P3H3: variants seen among roughly 807,000 people sequenced by gnomAD.
P3H3 encodes gene rich cluster, B.
P3H3 carries 64 observed loss-of-function variants against 78.1 expected under a neutral mutation model. That is an observed-to-expected ratio of 0.82 (90% confidence interval 0.67 to 1.01). The LOEUF is 1.01. Ranked by LOEUF, P3H3 falls within the 50% of genes least tolerant of loss-of-function variation. The pLI, the probability that P3H3 is intolerant of heterozygous loss-of-function variation, is 0.00. For missense variants in P3H3, 975 were observed against 982.2 expected, an observed-to-expected ratio of 0.99 and a Z score of 0.10; for synonymous variants, 425 against 416.7, an observed-to-expected ratio of 1.02 and a Z score of -0.24.
At position 6,835,522 on chromosome 12, in the gene P3H3, C is replaced by T. The variant is rs922698391; in HGVS notation, c.1459-1463C>T. Among the ~76,000 whole-genome samples the T allele has an allele frequency of 2.6e-5, 4 of 151,788 alleles. No homozygotes were observed. The East Asian group carries it at 5.8e-4, about 22-fold the overall frequency. ...TCGCTTGGACCCAGGAGGCGGAGGTCGCAGTGAGCCGAGATCGCACCATTG... is the reference window on the plus strand; with the variant it reads ...TCGCTTGGACCCAGGAGGCGGAGGTTGCAGTGAGCCGAGATCGCACCATTG... On this transcript the variant is annotated intron_variant, in intron 9 of 14. Transcript: ENST00000290510.
chr12:6,831,203 G>C lies in P3H3; in HGVS notation c.986-13G>C, dbSNP rs184062822. 1 of 1,613,516 alleles carries C rather than the reference G, an allele frequency of 6.2e-7. No homozygotes were observed. The highest frequency in any genetic ancestry group is 8.5e-7 in the Non-Finnish European group (1 of 1,179,708). On this transcript the variant is annotated splice_polypyrimidine_tract_variant and intron_variant, in intron 4 of 14. Coordinates refer to ENST00000290510, the MANE Select transcript of P3H3 (RefSeq NM_014262.5). The surrounding 1 kb of genome is among the most constrained non-coding windows in gnomAD (Gnocchi z 4.6). ...TCATCCCCCAACCCCTGACCTTGTCGCTCCCTCTCCAGTGGGCAATCTGTC... is the reference window on the plus strand; with the variant it reads ...TCATCCCCCAACCCCTGACCTTGTCCCTCCCTCTCCAGTGGGCAATCTGTC...
At position 6,839,701 on chromosome 12, in the gene P3H3, C is replaced by G. The variant is rs376621986; in HGVS notation, c.*240C>G. 1 of 537,924 alleles carries G rather than the reference C, an allele frequency of 1.9e-6. No individual in the cohort carries two copies. The highest frequency in any genetic ancestry group is 3.3e-6 in the Non-Finnish European group (1 of 301,354). The allele number at this position is 537,924 out of a possible 1,614,324, so 33.3% of individuals were successfully genotyped here. ...GGGCCCCGCTGCCGGACCTGCAGCC[C>G]TGGACAGATGGGGAACACTGTGCCT... On this transcript the variant is annotated 3_prime_UTR_variant, in exon 15 of 15. Coordinates refer to ENST00000290510, the MANE Select transcript of P3H3 (RefSeq NM_014262.5).
At position 6,838,020 on chromosome 12, in the gene P3H3, C is replaced by A. The variant is rs782218404; in HGVS notation, c.1892C>A (p.Ala631Asp). 6.2e-7 allele frequency: 1 copy of A among 1,605,638 alleles called. No homozygotes were observed. The highest frequency in any genetic ancestry group is 8.5e-7 in the Non-Finnish European group (1 of 1,175,916). ...GGDLFFTEPN[A>D]LTVTARVRPR... Reference sequence around the variant, plus strand: ...GACCTGTTCTTCACGGAGCCCAACGCCCTCACTGTCACGGTGCGTGGAGTG... The same window carrying A: ...GACCTGTTCTTCACGGAGCCCAACGACCTCACTGTCACGGTGCGTGGAGTG... Residue 631 changes from alanine (A) to aspartate (D), a missense_variant, in exon 13 of 15, where the codon GCC becomes GAC. Ala to Asp is a moderately radical substitution (Grantham distance 126). Coordinates refer to ENST00000290510, the MANE Select transcript of P3H3 (RefSeq NM_014262.5).
intron 3 of P3H3, 32 bp from the exon 4 acceptor site, chr12:6,830,607 C>G: frequency 6.3e-7 from 1 of 1,597,428 alleles, no homozygotes; most frequent in Non-Finnish European, 8.5e-7. Flanking sequence ...GGGGCATGAA[C>G]AAGCTGAATG....
chr12:6,829,896 C>G lies in P3H3; in HGVS notation c.536C>G (p.Thr179Ser), dbSNP rs1045245196. ...GATCTGGCAGCTGCGGCAGCACACA[C>G]CTTCTTTGTAGCAAACCCCATGCAC... ...KLDLAAAAAH[T>S]FFVANPMHLQ... The change falls in exon 2 of 15, where the codon ACC becomes AGC. Residue 179 changes from threonine (T) to serine (S), a missense_variant. Transcript: ENST00000290510. This position sits in a 1 kb window ranked among gnomAD's most constrained non-coding sequence, Gnocchi z 5.1. 3.1e-6 allele frequency: 5 copies of G among 1,614,040 alleles called. No individual in the cohort carries two copies. In the South Asian group the frequency reaches 4.4e-5, roughly 14 times the overall value.
chr12:6,837,326 C>T, intron 10 of P3H3, 97 bp from the exon 11 acceptor site: 1 of 1,490,188 alleles, frequency 6.7e-7, no homozygotes, highest in Non-Finnish European at 9.0e-7. Context: ...GACTCCAAAC[C>T]CATGGGTGGA....
intron 2 of P3H3, 103 bp from the exon 3 acceptor site, chr12:6,830,250 C>A (rs1591578601): frequency 2.6e-6 from 3 of 1,165,672 alleles, no homozygotes; most frequent in East Asian, 2.6e-5. Flanking sequence ...TGAAGAGGGA[C>A]ATGGAGTCCT....
intron 2 of P3H3, 22 bp from the exon 3 acceptor site, chr12:6,830,331 T>A: frequency 6.4e-7 from 1 of 1,561,382 alleles, no homozygotes; most frequent in Non-Finnish European, 8.7e-7. Context: ...CTTAGGTGAC[T>A]GACTGCTCCC....
chr12:6,839,081 C>A lies in P3H3; in HGVS notation c.1987C>A (p.Arg663=). The A allele has an allele frequency of 6.2e-7, 1 of 1,611,296 alleles. No individual in the cohort carries two copies. The stretch of plus-strand genomic sequence containing the variant: ...TCCCCATGGGGTGTGGGCCGTGACT[C>A]GGGGACGGCGCTGTGCCCTGGCACT... The part of the protein sequence containing the change: ...ENPHGVWAVT[R]GRRCALALWH... The change falls in exon 14 of 15, where the codon CGG becomes AGG. Residue 663 remains arginine (R), a synonymous_variant. Coordinates refer to ENST00000290510, the MANE Select transcript of P3H3 (RefSeq NM_014262.5).
At chr12:6,836,579 TG>T (rs1166980545) in intron 9 of P3H3, among the ~76,000 whole-genome samples, 2 of 152,200 alleles carry the variant, frequency 1.3e-5, no homozygotes, top group Non-Finnish European at 2.9e-5. Flanking sequence ...GGCCTAACTG[TG>T]GAACTTCCTC....
chr12:6,839,107 G>A lies in P3H3; in HGVS notation c.2013G>A (p.Leu671=). The A allele has an allele frequency of 6.2e-7, 1 of 1,607,892 alleles. No homozygotes were observed. The highest frequency in any genetic ancestry group is 8.5e-7 in the Non-Finnish European group (1 of 1,178,456). ...GGGGACGGCGCTGTGCCCTGGCACT[G>A]TGGCACACGTGGGCACCTGAGCACA... ...VTRGRRCALA[L]WHTWAPEHRE... Residue 671 remains leucine, a synonymous_variant, in exon 14 of 15, where the codon CTG becomes CTA. Transcript: ENST00000290510.
intron 13 of P3H3, 87 bp from the exon 14 acceptor site, chr12:6,838,913 C>G: frequency 8.3e-7 from 1 of 1,206,778 alleles, no homozygotes; most frequent in Non-Finnish European, 1.1e-6. Context: ...CTCTCTGTGC[C>G]CCTGTCCCCA....
Position 6,837,747 on chromosome 12 carries a change from G to T in P3H3, c.1727G>T (p.Arg576Leu). 7 of 1,612,344 alleles carry T rather than the reference G, an allele frequency of 4.3e-6. No individual in the cohort carries two copies. Among genetic ancestry groups the T allele is most frequent in the Non-Finnish European group, 5.9e-6 (7 of 1,179,184 alleles). Reference sequence around the variant, plus strand: ...TGTGTCCTAGGAGAGCAAGAGCAGCGCATGGACCTGAGTCACCCAGTGCAC... The same window carrying T: ...TGTGTCCTAGGAGAGCAAGAGCAGCTCATGGACCTGAGTCACCCAGTGCAC... ...RSAIEGEQEQRMDLSHPVHAD... is the reference protein window; with the variant it reads ...RSAIEGEQEQLMDLSHPVHAD... Residue 576 changes from arginine to leucine, a missense_variant, in exon 12 of 15, where the codon CGC (arginine) becomes CTC (leucine). Physicochemically the swap from Arg to Leu is moderately radical, Grantham distance 102. Transcript: ENST00000290510.
At position 6,837,953 on chromosome 12, in the gene P3H3, C is replaced by A; in HGVS notation, c.1830-5C>A. ...TCACTGCCTCTTGCTTTTTTCCCTC[C>A]CCAGCGGACTCCTCTACCTCAACGA... On this transcript the variant is annotated splice_polypyrimidine_tract_variant and splice_region_variant and intron_variant, in intron 12 of 14. Transcript: ENST00000290510. 1 of 1,603,180 alleles carries A rather than the reference C, an allele frequency of 6.2e-7. No individual in the cohort carries two copies. The highest frequency in any genetic ancestry group is 8.5e-7 in the Non-Finnish European group (1 of 1,174,700).
rs1390814376 is a variant in P3H3, at chr12:6,831,080, G to A, written c.986-136G>A. The stretch of plus-strand genomic sequence containing the variant: ...AAAGAACCGGCAGCTGAACTTGTCT[G>A]CCAGTGGGAAGGGGGCTCTTGGAGT... On this transcript the variant is annotated intron_variant, in intron 4 of 14. Coordinates refer to ENST00000290510, the MANE Select transcript of P3H3 (RefSeq NM_014262.5). The surrounding 1 kb of genome is among the most constrained non-coding windows in gnomAD (Gnocchi z 4.6). The A allele has an allele frequency of 1.3e-5, 15 of 1,129,484 alleles. No individual in the cohort carries two copies. The highest frequency in any genetic ancestry group is 1.8e-5 in the Non-Finnish European group (13 of 742,188). 70.0% of individuals were successfully genotyped at this position (1,129,484 alleles called of 1,614,324 possible). A position where few individuals can be genotyped will look rare whatever the true frequency, so the allele number is the denominator to read the frequency against.
At position 6,829,852 on chromosome 12, in the gene P3H3, T is replaced by A; in HGVS notation, c.499-7T>A. The stretch of plus-strand genomic sequence containing the variant: ...GCTCTGATGCCCTCCTCCCTTCGCC[T>A]CCTCAGTTGAAGAAGCTGGATCTGG... On this transcript the variant is annotated splice_region_variant and splice_polypyrimidine_tract_variant and intron_variant, in intron 1 of 14. Transcript: ENST00000290510. This position sits in a 1 kb window ranked among gnomAD's most constrained non-coding sequence, Gnocchi z 5.1. 1 of 1,613,856 alleles carries A rather than the reference T, an allele frequency of 6.2e-7. No homozygotes were observed. Among genetic ancestry groups the A allele is most frequent in the Non-Finnish European group, 8.5e-7 (1 of 1,179,850 alleles).
rs1344026404 is a variant in P3H3 at position 6,828,845 on chromosome 12, C to G, written c.405C>G (p.Pro135=). The change falls in exon 1 of 15, where the codon CCC becomes CCG. Residue 135 remains proline (P), a synonymous_variant. Coordinates refer to ENST00000290510, the MANE Select transcript of P3H3 (RefSeq NM_014262.5). ...AGTGCGCAGCACGGAGGCTGGGCCC[C>G]GGGGGCGCGGCGCGGCTTCGCGTGG... ...LTQCAARRLG[P]GGAARLRVGS... 2 of 1,244,792 alleles carry G rather than the reference C, an allele frequency of 1.6e-6. No homozygotes were observed. The highest frequency in any genetic ancestry group is 6.3e-5 in the East Asian group (2 of 31,754). 77.1% of individuals were successfully genotyped at this position (1,244,792 alleles called of 1,614,324 possible).
Position 6,828,822 on chromosome 12 carries a change from TGCGCAGCACGGAG to T in P3H3, c.385_397del (p.Ala129TrpfsTer35). On this transcript the variant is annotated frameshift_variant, in exon 1 of 15. Coordinates refer to ENST00000290510, the MANE Select transcript of P3H3 (RefSeq NM_014262.5). LOFTEE classifies it high-confidence loss of function. ...CCGCCGCGCAGACTGCCTGACCCAGTGCGCAGCACGGAGGCTGGGCCCCGGGGGCGCGGCGCGG... is the reference window on the plus strand; with the variant it reads ...CCGCCGCGCAGACTGCCTGACCCAGTGCTGGGCCCCGGGGGCGCGGCGCGG... 2.4e-6 allele frequency: 3 copies of T among 1,237,718 alleles called. No individual in the cohort carries two copies. Among genetic ancestry groups the T allele is most frequent in the Non-Finnish European group, 2.0e-6 (2 of 990,528 alleles). The allele number at this position is 1,237,718 out of a possible 1,614,324, so 76.7% of individuals were successfully genotyped here.
Position 6,831,897 on chromosome 12 carries a change from A to G in P3H3, c.1195A>G (p.Thr399Ala). 3 of 1,602,190 alleles carry G rather than the reference A, an allele frequency of 1.9e-6. No homozygotes were observed. Among genetic ancestry groups the G allele is most frequent in the Admixed American group, 1.7e-5 (1 of 59,318 alleles). ...CTACTATGCCATGGAGCACCTGGGG[A>G]CCAGCTTCAAGGATCCTGTGAGTCA... ...QLYYAMEHLG[T>A]SFKDPDPWTP... The change falls in exon 6 of 15, where the codon ACC becomes GCC. Residue 399 changes from threonine to alanine, a missense_variant. By Grantham distance (58) the Thr-to-Ala change is moderately conservative. Transcript: ENST00000290510. The surrounding 1 kb of genome is among the most constrained non-coding windows in gnomAD (Gnocchi z 4.6).
Sources: allele counts gnomAD v4.1 joint callset (sites outside exome capture counted in the v4.1 genomes callset), GRCh38; gene constraint gnomAD v4.1.1; non-coding constraint Gnocchi (gnomAD v3.1); transcripts MANE v1.5; gene names NCBI Gene and HGNC (gene_info 2026-07-23, HGNC 2026-07-21).